CCR2: variants seen among roughly 807,000 people sequenced by gnomAD.
The protein encoded by CCR2 is C-C chemokine receptor type 2.
For missense variants in CCR2, 408 were observed against 440.0 expected, an observed-to-expected ratio of 0.93 and a Z score of 0.65; for synonymous variants, 183 against 177.1, an observed-to-expected ratio of 1.03 and a Z score of -0.27.
chr3:46,359,614 G>C lies in CCR2; in HGVS notation c.*1004G>C. 1 of 1,503,858 alleles carries C rather than the reference G, an allele frequency of 6.6e-7. No homozygotes were observed. 93.2% of individuals were successfully genotyped at this position (1,503,858 alleles called of 1,614,324 possible). ...AAGCTTCTTGTCTGGATCTGAGCTGGTTTGTTTTGTGCTTGCTTTTCCCTG... is the reference window on the plus strand; with the variant it reads ...AAGCTTCTTGTCTGGATCTGAGCTGCTTTGTTTTGTGCTTGCTTTTCCCTG... On this transcript the variant is annotated 3_prime_UTR_variant, in exon 2 of 2. Coordinates refer to ENST00000445132, the MANE Select transcript of CCR2 (RefSeq NM_001123396.4).
Position 46,357,532 on chromosome 3 carries a change from T to C in CCR2, c.5T>C (p.Leu2Pro), listed in dbSNP as rs749369525. 6.2e-7 allele frequency: 1 copy of C among 1,613,266 alleles called. No individual in the cohort carries two copies. The highest frequency in any genetic ancestry group is 8.5e-7 in the Non-Finnish European group (1 of 1,179,256). M[L>P]STSRSRFIRN... is the part of the protein sequence containing the mutation. ...TTTCCCCAGTACATCCACAACATGC[T>C]GTCCACATCTCGTTCTCGGTTTATC... The change falls in exon 2 of 2, where the codon CTG becomes CCG. Residue 2 changes from leucine to proline, a missense_variant. Transcript: ENST00000445132.
In CCR2 at chr3:46,358,648, T is replaced by C; in HGVS notation, c.*38T>C. The C allele has an allele frequency of 1.3e-6, 2 of 1,536,560 alleles. No homozygotes were observed. On this transcript the variant is annotated 3_prime_UTR_variant, in exon 2 of 2. Coordinates refer to ENST00000445132, the MANE Select transcript of CCR2 (RefSeq NM_001123396.4). The stretch of plus-strand genomic sequence containing the variant: ...TTTGATTGTTGTTTATAAAGGGAGA[T>C]AACAATCTGTATATAACAACAAACT...
chr3:46,357,438 T>C, intron 1 of CCR2, 39 bp from the exon 2 acceptor site: 1 of 1,376,394 alleles, frequency 7.3e-7, no homozygotes, highest in Admixed American at 1.8e-5. Context: ...GATTGCGGTG[T>C]TTGTGTTGTG....
chr3:46,358,836 T>C lies in CCR2; in HGVS notation c.*226T>C. Reference sequence around the variant, plus strand: ...AGACTTTGACTCTCCAGAAAGCTCATCTCAGCTCCTGAAAAATGCCTCATT... The same window carrying C: ...AGACTTTGACTCTCCAGAAAGCTCACCTCAGCTCCTGAAAAATGCCTCATT... On this transcript the variant is annotated 3_prime_UTR_variant, in exon 2 of 2. Transcript: ENST00000445132. 1 of 1,306,890 alleles carries C rather than the reference T, an allele frequency of 7.7e-7. No homozygotes were observed. Among genetic ancestry groups the C allele is most frequent in the Non-Finnish European group, 9.8e-7 (1 of 1,019,222 alleles). The allele number at this position is 1,306,890 out of a possible 1,614,324, so 81.0% of individuals were successfully genotyped here.
In CCR2 at chr3:46,359,668, T is replaced by A. The variant is rs779364631; in HGVS notation, c.*1058T>A. 5.0e-6 allele frequency: 8 copies of A among 1,605,296 alleles called. No homozygotes were observed. In the East Asian group the frequency reaches 1.8e-4, roughly 36 times the overall value. ...TGCCACTCCCCTCACTCTTCTCTTT[T>A]CCCCACAGCCTTTTTCACATAGCTC... On this transcript the variant is annotated 3_prime_UTR_variant, in exon 2 of 2. Transcript: ENST00000445132.
chr3:46,359,878 C>G lies in CCR2; in HGVS notation c.*1268C>G. On this transcript the variant is annotated 3_prime_UTR_variant, in exon 2 of 2. Transcript: ENST00000445132. ...GAGCCTAGAGACAGAAATGACAGAT[C>G]TCTGCTTTGGAAATCACACGTCTGG... 6.2e-7 allele frequency: 1 copy of G among 1,607,996 alleles called. No individual in the cohort carries two copies. Among genetic ancestry groups the G allele is most frequent in the Non-Finnish European group, 8.5e-7 (1 of 1,177,422 alleles).
chr3:46,358,943 C>G lies in CCR2; in HGVS notation c.*333C>G, dbSNP rs1701502731. The G allele has an allele frequency of 9.3e-7, 1 of 1,069,576 alleles. No individual in the cohort carries two copies. The highest frequency in any genetic ancestry group is 3.3e-5 in the South Asian group (1 of 30,106). 66.3% of individuals were successfully genotyped at this position (1,069,576 alleles called of 1,614,324 possible). ...TCTGTCAATGTCTTGAAATCAAGGG[C>G]CAGCTGGAGGTGAAGAAGAGAATGT... is the stretch of plus-strand genomic sequence containing the variant. On this transcript the variant is annotated 3_prime_UTR_variant, in exon 2 of 2. Coordinates refer to ENST00000445132, the MANE Select transcript of CCR2 (RefSeq NM_001123396.4).
chr3:46,359,191 GT>G lies in CCR2; in HGVS notation c.*585del. 1.0e-6 allele frequency: 1 copy of G among 1,004,986 alleles called. No individual in the cohort carries two copies. The highest frequency in any genetic ancestry group is 1.2e-6 in the Non-Finnish European group (1 of 833,164). The allele number at this position is 1,004,986 out of a possible 1,614,324, so 62.3% of individuals were successfully genotyped here. A position where few individuals can be genotyped will look rare whatever the true frequency, so the allele number is the denominator to read the frequency against. On this transcript the variant is annotated 3_prime_UTR_variant, in exon 2 of 2. Transcript: ENST00000445132. ...GTTTGGGAACTGCAATAACCTGGGA[GT>G]TTTGGTGGAGTCCGATGATTCTCTT...
rs1701511863 is a variant in CCR2 at position 46,359,448 on chromosome 3, G to T, written c.*838G>T. 4.4e-6 allele frequency: 5 copies of T among 1,145,714 alleles called. No homozygotes were observed. Among genetic ancestry groups the T allele is most frequent in the Non-Finnish European group, 5.8e-6 (5 of 862,726 alleles). 71.0% of individuals were successfully genotyped at this position (1,145,714 alleles called of 1,614,324 possible). ...GGCTCTTGCTTGATCTCTCCAGGAG[G>T]TAGTGATTATGAGAAGGGGGTGGAG... On this transcript the variant is annotated 3_prime_UTR_variant, in exon 2 of 2. Transcript: ENST00000445132.
Position 46,358,519 on chromosome 3 carries a change from A to G in CCR2, c.992A>G (p.Gln331Arg), listed in dbSNP as rs890265331. 1.2e-6 allele frequency: 2 copies of G among 1,613,290 alleles called. No individual in the cohort carries two copies. Among genetic ancestry groups the G allele is most frequent in the Non-Finnish European group, 1.7e-6 (2 of 1,179,858 alleles). The part of the protein sequence containing the change: ...RKHITKRFCK[Q>R]CPVFYRETVD... Reference sequence around the variant, plus strand: ...CACATCACCAAGCGCTTCTGCAAACAATGTCCAGTTTTCTACAGGGAGACA... The same window carrying G: ...CACATCACCAAGCGCTTCTGCAAACGATGTCCAGTTTTCTACAGGGAGACA... Residue 331 changes from glutamine to arginine, a missense_variant, in exon 2 of 2, where the codon CAA (glutamine) becomes CGA (arginine). Coordinates refer to ENST00000445132, the MANE Select transcript of CCR2 (RefSeq NM_001123396.4).
At chr3:46,356,124 G>T (rs1200526304) in intron 1 of CCR2, among the ~76,000 whole-genome samples, 1 of 152,234 alleles carries the variant, frequency 6.6e-6, no homozygotes, top group Non-Finnish European at 1.5e-5. Flanking sequence ...TTCAATAAGT[G>T]TTGATGCAGT....
At position 46,357,935 on chromosome 3, in the gene CCR2, C is replaced by T. The variant is rs781525332; in HGVS notation, c.408C>T (p.Ile136=). 5.0e-6 allele frequency: 8 copies of T among 1,614,018 alleles called. No homozygotes were observed. The highest frequency in any genetic ancestry group is 1.7e-5 in the Admixed American group (1 of 60,006). The change falls in exon 2 of 2, where the codon ATC becomes ATT. Residue 136 remains isoleucine, a synonymous_variant. Transcript: ENST00000445132. The part of the protein sequence containing the change: ...GGIFFIILLT[I]DRYLAIVHAV... Reference sequence around the variant, plus strand: ...TCTTCTTCATCATCCTCCTGACAATCGATAGATACCTGGCTATTGTCCATG... The same window carrying T: ...TCTTCTTCATCATCCTCCTGACAATTGATAGATACCTGGCTATTGTCCATG...
chr3:46,355,626 A>C (rs1326203991), intron 1 of CCR2, among the ~76,000 whole-genome samples: 1 of 152,228 alleles, frequency 6.6e-6, no homozygotes, highest in African/African-American at 2.4e-5. Context: ...AGCAAAGGAA[A>C]GACTACAACA....
In CCR2 at chr3:46,359,810, T is replaced by A; in HGVS notation, c.*1200T>A. On this transcript the variant is annotated 3_prime_UTR_variant, in exon 2 of 2. Coordinates refer to ENST00000445132, the MANE Select transcript of CCR2 (RefSeq NM_001123396.4). The stretch of plus-strand genomic sequence containing the variant: ...CCTCGATGGTCGTGGAAAAGGAAAG[T>A]CAATTGGCAGAGCCCCTGAAGCCAG... The A allele has an allele frequency of 6.2e-7, 1 of 1,613,992 alleles. No homozygotes were observed. The highest frequency in any genetic ancestry group is 2.2e-5 in the East Asian group (1 of 44,860).
intron 1 of CCR2, among the ~76,000 whole-genome samples, chr3:46,357,236 A>T (rs1210477891): frequency 6.6e-6 from 1 of 152,210 alleles, no homozygotes; most frequent in East Asian, 1.9e-4. Flanking sequence ...TTAGCCTGAA[A>T]ATGAGAATCT....
In CCR2 at chr3:46,357,688, T is replaced by C. The variant is rs1449356333; in HGVS notation, c.161T>C (p.Ile54Thr). Residue 54 changes from isoleucine (I) to threonine (T), a missense_variant, in exon 2 of 2, where the codon ATC becomes ACC. By Grantham distance (89) the Ile-to-Thr change is moderately conservative. Transcript: ENST00000445132. ...LLPPLYSLVF[I>T]FGFVGNMLVV... ...CCTCCGCTCTACTCGCTGGTGTTCATCTTTGGTTTTGTGGGCAACATGCTG... is the reference window on the plus strand; with the variant it reads ...CCTCCGCTCTACTCGCTGGTGTTCACCTTTGGTTTTGTGGGCAACATGCTG... 11 of 1,614,180 alleles carry C rather than the reference T, an allele frequency of 6.8e-6. No homozygotes were observed. The highest frequency in any genetic ancestry group is 1.7e-5 in the Admixed American group (1 of 60,032).
chr3:46,357,443 G>C, intron 1 of CCR2, 34 bp from the exon 2 acceptor site: 1 of 1,423,850 alleles, frequency 7.0e-7, no homozygotes, highest in South Asian at 1.3e-5. Context: ...CGGTGTTTGT[G>C]TTGTGTGGTC....
At position 46,358,628 on chromosome 3, in the gene CCR2, T is replaced by C. The variant is rs761443171; in HGVS notation, c.*18T>C. The C allele has an allele frequency of 1.9e-6, 3 of 1,551,408 alleles. No homozygotes were observed. Among genetic ancestry groups the C allele is most frequent in the Non-Finnish European group, 2.6e-6 (3 of 1,146,172 alleles). The stretch of plus-strand genomic sequence containing the variant: ...GTTTATAAAACGAGGAGCAGTTTGA[T>C]TGTTGTTTATAAAGGGAGATAACAA... On this transcript the variant is annotated 3_prime_UTR_variant, in exon 2 of 2. Coordinates refer to ENST00000445132, the MANE Select transcript of CCR2 (RefSeq NM_001123396.4).
At position 46,357,697 on chromosome 3, in the gene CCR2, T is replaced by G. The variant is rs781098683; in HGVS notation, c.170T>G (p.Phe57Cys). 2 of 1,614,166 alleles carry G rather than the reference T, an allele frequency of 1.2e-6. No homozygotes were observed. Among genetic ancestry groups the G allele is most frequent in the South Asian group, 2.2e-5 (2 of 91,084 alleles). The stretch of plus-strand genomic sequence containing the variant: ...TACTCGCTGGTGTTCATCTTTGGTT[T>G]TGTGGGCAACATGCTGGTCGTCCTC... Reference protein sequence around the residue: ...PLYSLVFIFGFVGNMLVVLIL... With the variant: ...PLYSLVFIFGCVGNMLVVLIL... The change falls in exon 2 of 2, where the codon TTT becomes TGT. Residue 57 changes from phenylalanine (F) to cysteine (C), a missense_variant. By Grantham distance (205) the Phe-to-Cys change is radical. Coordinates refer to ENST00000445132, the MANE Select transcript of CCR2 (RefSeq NM_001123396.4).
Sources: allele counts gnomAD v4.1 joint callset (sites outside exome capture counted in the v4.1 genomes callset), GRCh38; gene constraint gnomAD v4.1.1; transcripts MANE v1.5; gene names NCBI Gene and HGNC (gene_info 2026-07-23, HGNC 2026-07-21).